TCF12: variants seen among roughly 807,000 people sequenced by gnomAD.
TCF12 encodes the protein DNA-binding protein HTF4.
Under a neutral mutation model 86.0 loss-of-function variants are expected in TCF12, and 45 were observed. The observed-to-expected ratio is 0.52, with a 90% CI of 0.41 to 0.67. The LOEUF is 0.67. Ranked by LOEUF, TCF12 falls within the 30% of genes least tolerant of loss-of-function variation. TCF12 has a pLI of 0.00. For synonymous variants in TCF12, 330 were observed against 299.6 expected (o/e 1.10, Z -1.05); for missense variants, 881 against 859.9 (o/e 1.02, Z -0.31).
chr15:57,166,566 A>G (rs997724022), intron 6 of TCF12, 100 bp downstream of exon 6: 4 of 1,069,816 alleles, frequency 3.7e-6, no homozygotes, highest in Non-Finnish European at 5.4e-6. Flanking sequence ...TTATTTCACT[A>G]CTGTTTGTTT....
intron 5 of TCF12, among the ~76,000 whole-genome samples, chr15:57,156,914 C>G (rs955063410): frequency 1.1e-4 from 17 of 152,144 alleles, no homozygotes; most frequent in Admixed American, 4.6e-4. Flanking sequence ...AGCATTGATA[C>G]AAGGATTTGG....
chr15:57,219,048 A>G, intron 8 of TCF12: 2 of 1,050,354 alleles, frequency 1.9e-6, no homozygotes, highest in Non-Finnish European at 1.1e-6. Flanking sequence ...ACTTTAGACC[A>G]TGGCAGATGG....
At chr15:57,268,477 A>G (rs1204889998) in intron 18 of TCF12, among the ~76,000 whole-genome samples, 1 of 152,076 alleles carries the variant, frequency 6.6e-6, no homozygotes, top group Non-Finnish European at 1.5e-5. Flanking sequence ...AAGCTGCTGG[A>G]CTCAGGCAAT....
intron 3 of TCF12, among the ~76,000 whole-genome samples, chr15:56,961,343 A>G (rs188127902): frequency 5.3e-5 from 8 of 152,306 alleles, no homozygotes; most frequent in Admixed American, 4.6e-4. Flanking sequence ...AAAAATACCT[A>G]GAAAAAAACT....
At chr15:57,167,191 A>G (rs567164489) in intron 6 of TCF12, among the ~76,000 whole-genome samples, 5 of 152,342 alleles carry the variant, frequency 3.3e-5, no homozygotes, top group East Asian at 3.9e-4. Context: ...CATTTAATAC[A>G]TATTTCATAA....
intron 4 of TCF12, among the ~76,000 whole-genome samples, chr15:57,085,084 C>T (rs1194865234): frequency 2.0e-5 from 3 of 152,134 alleles, no homozygotes; most frequent in Non-Finnish European, 4.4e-5. Flanking sequence ...GTTCAAGACT[C>T]GCTCTTCCTT....
intron 13 of TCF12, among the ~76,000 whole-genome samples, chr15:57,246,400 G>C (rs1254319229): frequency 1.3e-5 from 2 of 152,122 alleles, no homozygotes; most frequent in Non-Finnish European, 2.9e-5. Context: ...AGAAACTCTT[G>C]TCTCAGCTAG....
At chr15:56,953,747 A>G (rs1208478106) in intron 3 of TCF12, among the ~76,000 whole-genome samples, 1 of 151,886 alleles carries the variant, frequency 6.6e-6, no homozygotes, top group African/African-American at 2.4e-5. Context: ...TAGTATCTGT[A>G]AAATCTGTAG....
chr15:57,030,754 T>C (rs1010555490), intron 3 of TCF12, among the ~76,000 whole-genome samples: 2 of 152,240 alleles, frequency 1.3e-5, no homozygotes, highest in African/African-American at 4.8e-5. Flanking sequence ...TTTCCATCTT[T>C]ATCTTAATTG....
At chr15:56,942,388 T>A (rs973745692) in intron 3 of TCF12, among the ~76,000 whole-genome samples, 16 of 152,202 alleles carry the variant, frequency 1.1e-4, no homozygotes, top group African/African-American at 3.4e-4. Flanking sequence ...TCATTGACTA[T>A]CTCATTGATG....
At chr15:56,934,483 A>G (rs1481336585) in intron 3 of TCF12, among the ~76,000 whole-genome samples, 4 of 152,186 alleles carry the variant, frequency 2.6e-5, no homozygotes, top group Non-Finnish European at 4.4e-5. Context: ...AGTCATATCC[A>G]TGAATGACAG....
intron 8 of TCF12, among the ~76,000 whole-genome samples, chr15:57,209,567 G>A (rs1217583897): frequency 5.3e-5 from 8 of 152,120 alleles, no homozygotes; most frequent in African/African-American, 1.4e-4. Flanking sequence ...TTAACCATTC[G>A]TGGTCACCTG....
At chr15:57,061,400 C>T (rs775002170) in intron 3 of TCF12, among the ~76,000 whole-genome samples, 109 of 151,966 alleles carry the variant, frequency 7.2e-4, no homozygotes, top group Non-Finnish European at 8.5e-4. Flanking sequence ...CAAGACCAAC[C>T]TAGGCAACAT....
intron 16 of TCF12, among the ~76,000 whole-genome samples, chr15:57,254,920 G>A (rs1288534290): frequency 6.6e-6 from 1 of 151,242 alleles, no homozygotes; most frequent in Non-Finnish European, 1.5e-5. Flanking sequence ...TATCACTGCT[G>A]GTAATAGTAA....
chr15:56,986,960 G>T lies in TCF12; in HGVS notation c.148+65862G>T, dbSNP rs566746552. 1.6e-4 allele frequency among the ~76,000 whole-genome samples: 25 copies of T among 152,288 alleles called. No individual in the cohort carries two copies. The South Asian group carries it at 3.7e-3, about 23-fold the overall frequency. On this transcript the variant is annotated intron_variant, in intron 3 of 20. Coordinates refer to ENST00000333725, the MANE Select transcript of TCF12 (RefSeq NM_207037.2). ...GGAACTCGTTTATTGATTTATTGAA[G>T]ATCTTTGGCTGTTTTTGATAATAAA...
intron 4 of TCF12, among the ~76,000 whole-genome samples, chr15:57,078,941 T>C (rs2070380629): frequency 6.6e-6 from 1 of 152,226 alleles, no homozygotes. Flanking sequence ...AGAAAGGTAA[T>C]GCTGTGACCT....
chr15:57,289,082 G>C lies in TCF12; in HGVS notation c.*2937G>C, dbSNP rs777609549. ...AACTAGACAAACTTTTTTTTTGACA[G>C]TGAATGACTTTTTGTAGGACCTGTG... On this transcript the variant is annotated 3_prime_UTR_variant, in exon 21 of 21. Transcript: ENST00000333725. The C allele has an allele frequency of 6.6e-6, 1 of 152,070 alleles. No individual in the cohort carries two copies. Among genetic ancestry groups the C allele is most frequent in the African/African-American group, 2.4e-5 (1 of 41,404 alleles). The allele number at this position is 152,070 out of a possible 1,614,324, so 9.4% of individuals were successfully genotyped here.
chr15:57,170,715 ATATATATTATATAT>A (rs1486706364), intron 6 of TCF12, among the ~76,000 whole-genome samples: 2 of 11,368 alleles, frequency 1.8e-4, no homozygotes, highest in African/African-American at 3.2e-4. Context: ...AATATATAAT[ATATATATTATATAT>A]TATATATAAT....
intron 3 of TCF12, among the ~76,000 whole-genome samples, chr15:56,972,410 A>G (rs2062384962): frequency 6.6e-6 from 1 of 152,230 alleles, no homozygotes; most frequent in African/African-American, 2.4e-5. Flanking sequence ...GTGATTATAT[A>G]AACTATGGTA....
Sources: allele counts gnomAD v4.1 joint callset (sites outside exome capture counted in the v4.1 genomes callset), GRCh38; gene constraint gnomAD v4.1.1; transcripts MANE v1.5; gene names NCBI Gene and HGNC (gene_info 2026-07-23, HGNC 2026-07-21).